Variants in LRRC4C observed in about 807,000 individuals in gnomAD.
LRRC4C encodes the protein leucine rich repeat containing 4C, also known as leucine-rich repeat-containing protein 4C.
Under a neutral mutation model 33.6 loss-of-function variants are expected in LRRC4C, and 5 were observed. The observed-to-expected ratio is 0.15, with a 90% confidence interval of 0.08 to 0.31. The LOEUF (loss-of-function observed/expected upper bound fraction) is 0.31. Ranked by LOEUF, LRRC4C falls within the 10% of genes least tolerant of loss-of-function variation. The pLI is 1.00. For synonymous variants in LRRC4C, 329 were observed against 302.0 expected (o/e 1.09, Z -0.93); for missense variants, 560 against 796.7 (o/e 0.70, Z 3.58).
At chr11:40,670,400 C>G (rs1407699079) in intron 2 of LRRC4C, among the ~76,000 whole-genome samples, 2 of 152,162 alleles carry the variant, frequency 1.3e-5, no homozygotes, top group African/African-American at 4.8e-5. Flanking sequence ...TGTAAATGTT[C>G]AACTCCAGTG....
intron 2 of LRRC4C, among the ~76,000 whole-genome samples, chr11:40,657,873 G>C (rs1943212514): frequency 6.6e-6 from 1 of 152,140 alleles, no homozygotes; most frequent in Non-Finnish European, 1.5e-5. Context: ...GGGAAATAGG[G>C]AGCCTTCCAC....
At chr11:40,734,275 G>A (rs1178604222) in intron 2 of LRRC4C, among the ~76,000 whole-genome samples, 2 of 152,062 alleles carry the variant, frequency 1.3e-5, no homozygotes, top group African/African-American at 4.8e-5. Context: ...AACAATGTAT[G>A]GAATTTGACA....
chr11:40,478,062 C>G (rs569462822), intron 3 of LRRC4C, among the ~76,000 whole-genome samples: 5 of 152,132 alleles, frequency 3.3e-5, no homozygotes, highest in Non-Finnish European at 7.3e-5. Context: ...TTGCCTTTCA[C>G]CATGATTGTG....
At chr11:41,121,306 G>A (rs1942418485) in intron 1 of LRRC4C, among the ~76,000 whole-genome samples, 1 of 152,028 alleles carries the variant, frequency 6.6e-6, no homozygotes, top group Admixed American at 6.6e-5. Flanking sequence ...AAGCTATAAC[G>A]TTTATATATT....
At chr11:41,390,286 T>C (rs180985303) in intron 1 of LRRC4C, among the ~76,000 whole-genome samples, 1 of 151,942 alleles carries the variant, frequency 6.6e-6, no homozygotes, top group Admixed American at 6.6e-5. Flanking sequence ...GGATAAATCA[T>C]TTAGGAGAAA....
At chr11:40,149,273 G>A (rs1313401940) in intron 5 of LRRC4C, among the ~76,000 whole-genome samples, 1 of 152,048 alleles carries the variant, frequency 6.6e-6, no homozygotes, top group Non-Finnish European at 1.5e-5. Context: ...AAATTGCCTT[G>A]GGCAGTATAG....
intron 3 of LRRC4C, among the ~76,000 whole-genome samples, chr11:40,490,768 A>T (rs1391083031): frequency 6.6e-6 from 1 of 152,204 alleles, no homozygotes; most frequent in Non-Finnish European, 1.5e-5. Context: ...ATTTGGAAAC[A>T]TAATTTATAT....
In LRRC4C at chr11:40,352,516, T is replaced by C. The variant is rs1947458689; in HGVS notation, c.-269-32795A>G. Among the ~76,000 whole-genome samples, 3 of 152,234 alleles carry C rather than the reference T, an allele frequency of 2.0e-5. No homozygotes were observed. The South Asian group carries it at 6.2e-4, about 32-fold the overall frequency. ...GGGTACATGTGCACAATGTGCAGGT[T>C]AGTTACATATGTATATCTTCTTATA... On this transcript the variant is annotated intron_variant, in intron 3 of 6. Coordinates refer to ENST00000528697, the MANE Select transcript of LRRC4C (RefSeq NM_001258419.2).
In LRRC4C at chr11:40,304,274, C is replaced by T. The variant is rs1472034184; in HGVS notation, c.-176+15354G>A. The stretch of plus-strand genomic sequence containing the variant: ...TAAGCTTCAAGTCATAGGAGGGTGC[C>T]TCTAAGTGCCTGTACAGTTAAATGC... On this transcript the variant is annotated intron_variant, in intron 4 of 6. Transcript: ENST00000528697. Among the ~76,000 whole-genome samples the T allele has an allele frequency of 2.0e-5, 3 of 152,122 alleles. No homozygotes were observed. In the East Asian group the frequency reaches 5.8e-4, roughly 29 times the overall value.
In LRRC4C at chr11:40,657,310, A is replaced by T. The variant is rs146826389; in HGVS notation, c.-406-9032T>A. 1.6e-4 allele frequency among the ~76,000 whole-genome samples: 25 copies of T among 152,256 alleles called. 1 individual carries two copies. The East Asian group carries it at 4.8e-3, about 29-fold the overall frequency. On this transcript the variant is annotated intron_variant, in intron 2 of 6. Coordinates refer to ENST00000528697, the MANE Select transcript of LRRC4C (RefSeq NM_001258419.2). The stretch of plus-strand genomic sequence containing the variant: ...AGTCTAATGATTGGTCTAAGCTGGA[A>T]TTTTCTCGTATAAGTAGCTCCAAAT...
intron 5 of LRRC4C, among the ~76,000 whole-genome samples, chr11:40,220,840 AT>A (rs1260531572): frequency 3.3e-5 from 5 of 150,598 alleles, no homozygotes; most frequent in Admixed American, 6.7e-5. Flanking sequence ...GCATTTTAAA[AT>A]TTTTTTTCAG....
intron 1 of LRRC4C, among the ~76,000 whole-genome samples, chr11:41,292,425 T>C (rs1950019309): frequency 6.6e-6 from 1 of 152,042 alleles, no homozygotes. Flanking sequence ...TGTATATATA[T>C]AGAAGCCATT....
At chr11:40,223,201 T>C (rs567361757) in intron 5 of LRRC4C, among the ~76,000 whole-genome samples, 10 of 152,258 alleles carry the variant, frequency 6.6e-5, no homozygotes, top group Non-Finnish European at 1.5e-4. Context: ...CTAGTTAACA[T>C]GGCAAAAATA....
chr11:40,799,706 T>C (rs1003715107), intron 2 of LRRC4C, among the ~76,000 whole-genome samples: 3 of 152,188 alleles, frequency 2.0e-5, no homozygotes, highest in Admixed American at 1.3e-4. Flanking sequence ...CTGCCTCAAG[T>C]GATTCACCTG....
intron 4 of LRRC4C, among the ~76,000 whole-genome samples, chr11:40,259,558 G>A (rs1867517773): frequency 6.6e-6 from 1 of 152,040 alleles, no homozygotes; most frequent in East Asian, 1.9e-4. Flanking sequence ...GAACGTTTAA[G>A]TCTTTAATCC....
chr11:40,173,956 T>A (rs559631782), intron 5 of LRRC4C, among the ~76,000 whole-genome samples: 59 of 152,308 alleles, frequency 3.9e-4, no homozygotes, highest in Non-Finnish European at 5.1e-4. Context: ...CAGAGACCCC[T>A]AAAGTTCAGG....
At chr11:40,834,924 A>ACACG (rs1308835598) in intron 2 of LRRC4C, among the ~76,000 whole-genome samples, 1 of 144,286 alleles carries the variant, frequency 6.9e-6, no homozygotes, top group Non-Finnish European at 1.5e-5. Context: ...ACACACACAC[A>ACACG]CACACACACA....
At chr11:41,347,262 G>A (rs967808422) in intron 1 of LRRC4C, among the ~76,000 whole-genome samples, 1 of 152,086 alleles carries the variant, frequency 6.6e-6, no homozygotes, top group African/African-American at 2.4e-5. Flanking sequence ...TTTTAAAATT[G>A]CATTTTCTCT....
At chr11:40,938,372 T>G (rs981437964) in intron 1 of LRRC4C, among the ~76,000 whole-genome samples, 9 of 152,124 alleles carry the variant, frequency 5.9e-5, no homozygotes, top group African/African-American at 2.2e-4. Context: ...CTTGATAATG[T>G]ACTGAGGAAC....
Sources: allele counts gnomAD v4.1 joint callset (sites outside exome capture counted in the v4.1 genomes callset), GRCh38; gene constraint gnomAD v4.1.1; transcripts MANE v1.5; gene names NCBI Gene and HGNC (gene_info 2026-07-23, HGNC 2026-07-21).